SHC2: variants seen among roughly 807,000 people sequenced by gnomAD.
SHC2 encodes SHC adaptor protein 2.
A neutral mutation model predicts 60.6 loss-of-function variants in SHC2; 62 were observed. That is an observed-to-expected ratio of 1.02 (90% CI 0.83 to 1.26). SHC2 has a LOEUF of 1.26. Among genes scored for constraint, SHC2 ranks in the 50% most tolerant of loss-of-function variants. The pLI is 0.00. For synonymous variants in SHC2, 375 were observed against 372.4 expected, an observed-to-expected ratio of 1.01 and a Z score of -0.08; for missense variants, 873 against 822.2, an observed-to-expected ratio of 1.06 and a Z score of -0.76.
chr19:447,219 C>T (rs183969992), intron 1 of SHC2, among the ~76,000 whole-genome samples: 20 of 150,898 alleles, frequency 1.3e-4, no homozygotes, highest in African/African-American at 2.9e-4. Context: ...AAAGGCCACA[C>T]AGCGTGTGAT....
chr19:447,616 T>C (rs960829054), intron 1 of SHC2, among the ~76,000 whole-genome samples: 5 of 152,028 alleles, frequency 3.3e-5, no homozygotes, highest in Non-Finnish European at 5.9e-5. Context: ...CCGTCTCTAC[T>C]AAAAATACAA....
In SHC2 at chr19:424,709, A is replaced by T. The variant is rs930820811; in HGVS notation, c.1309+388T>A. Among the ~76,000 whole-genome samples the T allele has an allele frequency of 6.6e-6, 1 of 151,690 alleles. No individual in the cohort carries two copies. The highest frequency in any genetic ancestry group is 1.5e-5 in the Non-Finnish European group (1 of 67,914). ...GAGGCAGGTGGGTTACCCCCGAGAG[A>T]GTGGAGCTTCTCACAGAGCGGGGGC... On this transcript the variant is annotated intron_variant, in intron 10 of 12. Transcript: ENST00000264554. The surrounding 1 kb of genome is among the most constrained non-coding windows in gnomAD (Gnocchi z 4.5).
In SHC2 at chr19:436,072, G is replaced by A. The variant is rs1356377259; in HGVS notation, c.953+93C>T. On this transcript the variant is annotated intron_variant, in intron 7 of 12. Transcript: ENST00000264554. ...AGGGAGGGAGGGACAAGGGCAGGAC[G>A]GAGGCTGAGGCCTGCAGGAGGTGGA... 6.3e-5 allele frequency: 87 copies of A among 1,390,292 alleles called. 1 individual carries two copies. The highest frequency in any genetic ancestry group is 1.5e-4 in the Admixed American group (8 of 52,104). The allele number at this position is 1,390,292 out of a possible 1,614,324, so 86.1% of individuals were successfully genotyped here. A position where few individuals can be genotyped will look rare whatever the true frequency, so the allele number is the denominator to read the frequency against.
intron 1 of SHC2, among the ~76,000 whole-genome samples, chr19:454,292 G>C (rs974303975): frequency 3.9e-5 from 6 of 152,168 alleles, no homozygotes; most frequent in Non-Finnish European, 1.5e-5. Context: ...GGGCTCATGA[G>C]ACCCACGGCA....
chr19:430,654 G>T, intron 9 of SHC2, 30 bp downstream of exon 9: 1 of 1,602,090 alleles, frequency 6.2e-7, no homozygotes, highest in Admixed American at 1.7e-5. Flanking sequence ...AATCCTCGTG[G>T]GTACCCCTTG....
intron 9 of SHC2, among the ~76,000 whole-genome samples, chr19:429,717 G>A (rs936596077): frequency 7.6e-5 from 11 of 144,182 alleles, no homozygotes; most frequent in Admixed American, 6.2e-4. Context: ...ACCTAACACC[G>A]TGTGGATGAC....
chr19:435,061 G>A (rs1974685127), intron 7 of SHC2, among the ~76,000 whole-genome samples, 196 bp from the exon 8 acceptor site: 1 of 152,250 alleles, frequency 6.6e-6, no homozygotes, highest in Non-Finnish European at 1.5e-5. Context: ...AAAATGGAAT[G>A]TTGCACACAT....
At position 445,940 on chromosome 19, in the gene SHC2, A is replaced by G. The variant is rs1975040602; in HGVS notation, c.469-5008T>C. Among the ~76,000 whole-genome samples the G allele has an allele frequency of 6.6e-6, 1 of 152,092 alleles. No homozygotes were observed. The highest frequency in any genetic ancestry group is 2.1e-4 in the South Asian group (1 of 4,810). On this transcript the variant is annotated intron_variant, in intron 1 of 12. Coordinates refer to ENST00000264554, the MANE Select transcript of SHC2 (RefSeq NM_012435.3). The surrounding 1 kb of genome is among the most constrained non-coding windows in gnomAD (Gnocchi z 4.4). ...GTGGTGGTTGCATGCCTGTAATCCCAGCTACTTGGGAGGCTGAGGCAGGAG... is the reference window on the plus strand; with the variant it reads ...GTGGTGGTTGCATGCCTGTAATCCCGGCTACTTGGGAGGCTGAGGCAGGAG...
chr19:421,647 GGATGAAATCATAA>G (rs1974276534), intron 11 of SHC2, among the ~76,000 whole-genome samples: 1 of 152,210 alleles, frequency 6.6e-6, no homozygotes, highest in Admixed American at 6.5e-5. Context: ...ATCTTATGAT[GGATGAAATCATAA>G]GATTGAGATT....
intron 6 of SHC2, 41 bp from the exon 7 acceptor site, chr19:436,332 C>T (rs777668908): frequency 1.8e-5 from 28 of 1,588,904 alleles, no homozygotes; most frequent in East Asian, 4.6e-5. Context: ...GCCACACGGC[C>T]GTGCCCCCCA....
At position 446,009 on chromosome 19, in the gene SHC2, C is replaced by T. The variant is rs918885251; in HGVS notation, c.469-5077G>A. On this transcript the variant is annotated intron_variant, in intron 1 of 12. Transcript: ENST00000264554. This position sits in a 1 kb window ranked among gnomAD's most constrained non-coding sequence, Gnocchi z 5.4. Reference sequence around the variant, plus strand: ...GGCGGAGGCTGCAGAGAGCCAAGATCACGCCACTGCACTCGAGCCTGGGTG... The same window carrying T: ...GGCGGAGGCTGCAGAGAGCCAAGATTACGCCACTGCACTCGAGCCTGGGTG... 5.9e-5 allele frequency among the ~76,000 whole-genome samples: 9 copies of T among 151,784 alleles called. No individual in the cohort carries two copies. The highest frequency in any genetic ancestry group is 2.2e-4 in the African/African-American group (9 of 41,304).
chr19:444,921 G>A (rs758519462), intron 1 of SHC2, among the ~76,000 whole-genome samples: 6 of 152,202 alleles, frequency 3.9e-5, no homozygotes, highest in African/African-American at 9.6e-5. Context: ...AAACAGGCCC[G>A]GGTGGGAGGG....
chr19:430,184 C>A lies in SHC2; in HGVS notation c.1174+500G>T, dbSNP rs182858971. 6.0e-3 allele frequency among the ~76,000 whole-genome samples: 800 copies of A among 133,424 alleles called. 6 individuals are homozygous for A. Among genetic ancestry groups the A allele is most frequent in the Middle Eastern group, 0.018 (3 of 168 alleles). The allele number at this position is 133,424 out of a possible 152,430, so 87.5% of individuals were successfully genotyped here. On this transcript the variant is annotated intron_variant, in intron 9 of 12. Coordinates refer to ENST00000264554, the MANE Select transcript of SHC2 (RefSeq NM_012435.3). ...CCGTGTGGATGACGCAGTACCTATA[C>A]CCCAACGTGCACAGAAACCTAATAC...
intron 1 of SHC2, among the ~76,000 whole-genome samples, chr19:459,434 A>T (rs988946795): frequency 1.8e-4 from 23 of 129,270 alleles, no homozygotes; most frequent in African/African-American, 6.0e-4. Flanking sequence ...GAAGGACCCC[A>T]CTGAACCCAG....
rs12983932 is a variant in SHC2 at position 452,317 on chromosome 19, G to A, written c.468+8212C>T. ...GTACTGACTTGGGGGGAGTTCCTGC[G>A]TAGGTGTGCGTTTCTCCGTTTCATT... On this transcript the variant is annotated intron_variant, in intron 1 of 12. Coordinates refer to ENST00000264554, the MANE Select transcript of SHC2 (RefSeq NM_012435.3). Among the ~76,000 whole-genome samples, 439 of 100,788 alleles carry A rather than the reference G, an allele frequency of 4.4e-3. 5 individuals are homozygous for A. Among genetic ancestry groups the A allele is most frequent in the African/African-American group, 0.019 (409 of 21,130 alleles). 66.1% of individuals were successfully genotyped at this position (100,788 alleles called of 152,430 possible).
chr19:459,336 G>A (rs1268617473), intron 1 of SHC2, among the ~76,000 whole-genome samples: 1 of 126,636 alleles, frequency 7.9e-6, no homozygotes, highest in African/African-American at 3.3e-5. Flanking sequence ...CAGCGTAGGG[G>A]GAAGGACCCC....
Position 440,884 on chromosome 19 carries a change from T to G in SHC2, c.517A>C (p.Asn173His), listed in dbSNP as rs780651949. 2 of 1,612,776 alleles carry G rather than the reference T, an allele frequency of 1.2e-6. No homozygotes were observed. The change falls in exon 2 of 13, where the codon AAC becomes CAC. Residue 173 changes from asparagine (N) to histidine (H), a missense_variant. Asn to His is a moderately conservative substitution (Grantham distance 68). Coordinates refer to ENST00000264554, the MANE Select transcript of SHC2 (RefSeq NM_012435.3). This position sits in a 1 kb window ranked among gnomAD's most constrained non-coding sequence, Gnocchi z 7.0. The stretch of plus-strand genomic sequence containing the variant: ...CACCTGGTCACCTGCGTGCGCGTGT[T>G]AAAGTCCAGGGAGCGCATAGAGCGG... ...VLRSMRSLDF[N>H]TRTQVTREAI... is the part of the protein sequence containing the mutation.
At chr19:439,071 T>G (rs1600300475) in intron 2 of SHC2, 41 bp from the exon 3 acceptor site, 12 of 979,044 alleles carry the variant, frequency 1.2e-5, no homozygotes, top group Admixed American at 3.5e-5. Context: ...GTGGTGGGGG[T>G]GGCCATGGAG....
rs368573671 is a variant in SHC2 at position 438,867 on chromosome 19, G to C, written c.601-30C>G. The C allele has an allele frequency of 6.4e-7, 1 of 1,556,622 alleles. No homozygotes were observed. The highest frequency in any genetic ancestry group is 8.7e-7 in the Non-Finnish European group (1 of 1,150,774). ...GTTGGGGGCGGAGCACAGCGAGGGC[G>C]GCTGTGGGTGGGGGCTGTCGAGGGG... On this transcript the variant is annotated intron_variant, in intron 3 of 12. Coordinates refer to ENST00000264554, the MANE Select transcript of SHC2 (RefSeq NM_012435.3). The surrounding 1 kb of genome is among the most constrained non-coding windows in gnomAD (Gnocchi z 5.0).
Sources: allele counts gnomAD v4.1 joint callset (sites outside exome capture counted in the v4.1 genomes callset), GRCh38; gene constraint gnomAD v4.1.1; non-coding constraint Gnocchi (gnomAD v3.1); transcripts MANE v1.5; gene names NCBI Gene and HGNC (gene_info 2026-07-23, HGNC 2026-07-21).